GBF1: variants seen among roughly 807,000 people sequenced by gnomAD.
GBF1 encodes the protein Golgi-specific brefeldin A-resistance guanine nucleotide exchange factor 1.
A neutral mutation model predicts 210.5 loss-of-function variants in GBF1; 114 were observed. That is an observed-to-expected ratio of 0.54 (90% CI 0.47 to 0.63). GBF1 has a LOEUF of 0.63. Ranked by LOEUF, GBF1 falls within the 30% of genes least tolerant of loss-of-function variation. The pLI is 0.00. For missense variants in GBF1, 1,851 were observed against 2,357.7 expected, an observed-to-expected ratio of 0.79 and a Z score of 4.45; for synonymous variants, 850 against 889.2, an observed-to-expected ratio of 0.96 and a Z score of 0.78.
At chr10:102,266,171 G>C (rs1435712997) in intron 3 of GBF1, among the ~76,000 whole-genome samples, 1 of 151,922 alleles carries the variant, frequency 6.6e-6, no homozygotes, top group Non-Finnish European at 1.5e-5. Context: ...CCTGGGAGGC[G>C]CAGCTTGCAG....
At chr10:102,375,641 T>C (rs1271410701) in intron 30 of GBF1, 57 bp downstream of exon 30, 3 of 1,125,064 alleles carry the variant, frequency 2.7e-6, no homozygotes, top group African/African-American at 1.5e-5. Flanking sequence ...ACCCCAGGAG[T>C]TGGGACAGGA....
chr10:102,261,616 T>C (rs551032248), intron 3 of GBF1, among the ~76,000 whole-genome samples: 2 of 17,570 alleles, frequency 1.1e-4, no homozygotes, highest in South Asian at 1.8e-3. Flanking sequence ...TCTTTCTTTC[T>C]TTTTTTTTTT....
chr10:102,365,379 C>T lies in GBF1; in HGVS notation c.2107-18C>T. ...TAGAGGCAAAGTAGCTTCTATACCT[C>T]TAGTTTTTCTCATGCAGCTGCTAAT... On this transcript the variant is annotated intron_variant, in intron 17 of 39. Coordinates refer to ENST00000369983, the MANE Select transcript of GBF1 (RefSeq NM_001377137.1). 4 of 1,605,488 alleles carry T rather than the reference C, an allele frequency of 2.5e-6. No individual in the cohort carries two copies. Among genetic ancestry groups the T allele is most frequent in the Non-Finnish European group, 3.4e-6 (4 of 1,172,614 alleles).
At chr10:102,320,856 C>T (rs1162595344) in intron 3 of GBF1, among the ~76,000 whole-genome samples, 4 of 151,388 alleles carry the variant, frequency 2.6e-5, no homozygotes, top group Non-Finnish European at 5.9e-5. Context: ...GGTGCAGTCT[C>T]GGAGTCTCGG....
At chr10:102,350,144 G>T (rs956187675) in intron 4 of GBF1, among the ~76,000 whole-genome samples, 2 of 152,082 alleles carry the variant, frequency 1.3e-5, no homozygotes, top group Non-Finnish European at 2.9e-5. Context: ...GAGGTCGGGA[G>T]TTCGAGACCA....
chr10:102,377,440 A>G (rs1037019134), intron 33 of GBF1, among the ~76,000 whole-genome samples: 3 of 151,268 alleles, frequency 2.0e-5, no homozygotes, highest in African/African-American at 7.3e-5. Flanking sequence ...TGCAACCTCC[A>G]CCTCCCGGGT....
At chr10:102,234,413 A>G in the GBF1 span, among the ~76,000 whole-genome samples, 5 of 152,182 alleles carry the variant, frequency 3.3e-5, no homozygotes, top group Admixed American at 2.0e-4. Context: ...GAGGGAACCC[A>G]GGACAGGAGA....
intron 1 of GBF1, among the ~76,000 whole-genome samples, chr10:102,256,540 G>A (rs1225479755): frequency 1.6e-5 from 1 of 63,372 alleles, no homozygotes; most frequent in African/African-American, 7.5e-5. Flanking sequence ...TTTTGGGATG[G>A]AGTCTGGCTC....
chr10:102,353,798 G>T, intron 8 of GBF1, 144 bp downstream of exon 8: 1 of 638,816 alleles, frequency 1.6e-6, no homozygotes, highest in South Asian at 1.8e-5. Context: ...CACTCCTTTC[G>T]TGAGAAATGT....
intron 3 of GBF1, among the ~76,000 whole-genome samples, chr10:102,323,780 G>T (rs1032432099): frequency 6.6e-6 from 1 of 152,016 alleles, no homozygotes; most frequent in Non-Finnish European, 1.5e-5. Flanking sequence ...ATCTGAAGGG[G>T]GTAGCAAGGG....
intron 3 of GBF1, among the ~76,000 whole-genome samples, chr10:102,324,533 A>G (rs1004202777): frequency 2.0e-5 from 3 of 152,206 alleles, no homozygotes; most frequent in East Asian, 1.9e-4. Flanking sequence ...ACCTGGCTTC[A>G]TATCCCATCT....
At chr10:102,298,352 T>C (rs1475019713) in intron 3 of GBF1, among the ~76,000 whole-genome samples, 3 of 152,256 alleles carry the variant, frequency 2.0e-5, no homozygotes, top group Non-Finnish European at 4.4e-5. Context: ...AGTGTTGATT[T>C]TGACTTTAAA....
At chr10:102,264,253 C>T (rs2073600393) in intron 3 of GBF1, among the ~76,000 whole-genome samples, 1 of 152,162 alleles carries the variant, frequency 6.6e-6, no homozygotes, top group Non-Finnish European at 1.5e-5. Flanking sequence ...AGGGAAGTCT[C>T]TGTAGTCACT....
At chr10:102,259,276 T>A (rs903601508) in intron 2 of GBF1, among the ~76,000 whole-genome samples, 1 of 152,218 alleles carries the variant, frequency 6.6e-6, no homozygotes, top group African/African-American at 2.4e-5. Context: ...CTTAAGCTAG[T>A]CCTGTGCTTG....
intron 36 of GBF1, 63 bp downstream of exon 36, chr10:102,380,017 C>T (rs2060744128): frequency 8.6e-7 from 1 of 1,160,384 alleles, no homozygotes; most frequent in East Asian, 2.4e-5. Flanking sequence ...AGGAGGGAAG[C>T]CAGGGCTTCT....
intron 3 of GBF1, among the ~76,000 whole-genome samples, chr10:102,316,823 T>C (rs1197303661): frequency 6.6e-6 from 1 of 152,222 alleles, no homozygotes; most frequent in Non-Finnish European, 1.5e-5. Flanking sequence ...ATCCAATGGC[T>C]AGCAGTGCCA....
intron 3 of GBF1, among the ~76,000 whole-genome samples, chr10:102,288,402 C>T (rs574365969): frequency 2.6e-5 from 4 of 152,156 alleles, no homozygotes; most frequent in Non-Finnish European, 5.9e-5. Context: ...AGACCTAATG[C>T]TCGGGAGTGA....
rs775816207 is a variant in GBF1 at position 102,360,400 on chromosome 10, G to A, written c.1392+5G>A. ...ATGTGCCGTCACTTATTCCAGGTAAGACAAGATTGCTAGAGGGTCTCAGAG... is the reference window on the plus strand; with the variant it reads ...ATGTGCCGTCACTTATTCCAGGTAAAACAAGATTGCTAGAGGGTCTCAGAG... On this transcript the variant is annotated splice_donor_5th_base_variant and intron_variant, in intron 12 of 39. Coordinates refer to ENST00000369983, the MANE Select transcript of GBF1 (RefSeq NM_001377137.1). The A allele has an allele frequency of 6.3e-7, 1 of 1,590,004 alleles. No homozygotes were observed. Among genetic ancestry groups the A allele is most frequent in the Non-Finnish European group, 8.6e-7 (1 of 1,158,388 alleles).
Position 102,382,180 on chromosome 10 carries a change from G to A in GBF1, c.5427G>A (p.Leu1809=). 6.2e-7 allele frequency: 1 copy of A among 1,614,002 alleles called. No individual in the cohort carries two copies. Among genetic ancestry groups the A allele is most frequent in the South Asian group, 1.1e-5 (1 of 91,076 alleles). ...CTCCACCCTTGGCTCAGCCCCCACT[G>A]ATCCTGCAGCCCTTGGCCTCCCCAC... ...DGPPPLAQPP[L]ILQPLASPLQ... is the part of the protein sequence containing the mutation. The change falls in exon 40 of 40, where the codon CTG becomes CTA. Residue 1809 remains leucine (L), a synonymous_variant. Coordinates refer to ENST00000369983, the MANE Select transcript of GBF1 (RefSeq NM_001377137.1).
Sources: allele counts gnomAD v4.1 joint callset (sites outside exome capture counted in the v4.1 genomes callset), GRCh38; gene constraint gnomAD v4.1.1; transcripts MANE v1.5; gene names NCBI Gene and HGNC (gene_info 2026-07-23, HGNC 2026-07-21).